PARD3: variants seen among roughly 807,000 people sequenced by gnomAD.
PARD3 encodes the protein partitioning defective 3 homolog.
A neutral mutation model predicts 155.4 loss-of-function variants in PARD3; 75 were observed. The ratio of observed to expected loss-of-function variants is 0.48; its 90% CI spans 0.40 to 0.58. The LOEUF is 0.58. Ranked by LOEUF, PARD3 falls within the 20% of genes least tolerant of loss-of-function variation. PARD3 has a pLI of 0.00. For missense variants in PARD3, 1,642 were observed against 1,721.7 expected (o/e 0.95, Z 0.82); for synonymous variants, 576 against 610.5 (o/e 0.94, Z 0.83).
rs766247927 is a variant in PARD3, at chr10:34,517,123, C to T, written c.259G>A (p.Gly87Arg). The change falls in exon 3 of 25, where the codon GGA becomes AGA. Residue 87 changes from glycine to arginine, a missense_variant. By Grantham distance (125) the Gly-to-Arg change is moderately radical. Coordinates refer to ENST00000374788, the MANE Select transcript of PARD3 (RefSeq NM_001184785.2). ...GAACTGGCACTGGTGCCATCACCTC[C>T]GTGATGTGGATCCTGCTCATCAAAC... ...AVFDEQDPHH[G>R]GDGTSASSTG... 1.4e-5 allele frequency: 22 copies of T among 1,613,972 alleles called. No individual in the cohort carries two copies. In the East Asian group the frequency reaches 2.7e-4, roughly 20 times the overall value.
chr10:34,555,415 G>C (rs1001565244), intron 2 of PARD3, among the ~76,000 whole-genome samples: 6 of 151,986 alleles, frequency 3.9e-5, no homozygotes, highest in African/African-American at 1.5e-4. Flanking sequence ...TTCTGTTTTG[G>C]AATTCACTTA....
intron 1 of PARD3, among the ~76,000 whole-genome samples, chr10:34,742,366 T>C (rs1432522673): frequency 1.3e-5 from 2 of 152,114 alleles, no homozygotes; most frequent in Non-Finnish European, 2.9e-5. Flanking sequence ...CAGCTAGAGA[T>C]CAACAGATTA....
intron 20 of PARD3, among the ~76,000 whole-genome samples, chr10:34,311,281 T>A (rs530886911): frequency 6.6e-6 from 1 of 152,266 alleles, no homozygotes; most frequent in East Asian, 1.9e-4. Flanking sequence ...TTATTTTTTT[T>A]AATAGAGACA....
chr10:34,420,793 G>A (rs1846112680), intron 5 of PARD3, among the ~76,000 whole-genome samples: 1 of 152,096 alleles, frequency 6.6e-6, no homozygotes, highest in Non-Finnish European at 1.5e-5. Flanking sequence ...CCCACAGTTC[G>A]GTTTCTTTTC....
At chr10:34,381,936 A>AAAAAAAAAAAAAAAAAAAGAAAG in intron 9 of PARD3, among the ~76,000 whole-genome samples, 1 of 148,430 alleles carries the variant, frequency 6.7e-6, no homozygotes, top group Non-Finnish European at 1.5e-5. Context: ...AAAAAAAAAA[A>AAAAAAAAAAAAAAAAAAAGAAAG]AAAAAGAAAG....
chr10:34,745,476 G>A (rs574427286), intron 1 of PARD3, among the ~76,000 whole-genome samples: 1 of 151,938 alleles, frequency 6.6e-6, no homozygotes, highest in East Asian at 1.9e-4. Flanking sequence ...GAAAGAGAGA[G>A]AGAGAAGAAA....
At chr10:34,638,406 T>C (rs1228409434) in intron 2 of PARD3, among the ~76,000 whole-genome samples, 2 of 152,170 alleles carry the variant, frequency 1.3e-5, no homozygotes, top group Non-Finnish European at 2.9e-5. Flanking sequence ...AGCTAAACCA[T>C]GCTAAGTAGC....
rs1405797832 is a variant in PARD3 at position 34,216,235 on chromosome 10, TG to T, written c.3419+53421del. Among the ~76,000 whole-genome samples the T allele has an allele frequency of 3.3e-5, 5 of 152,298 alleles. No individual in the cohort carries two copies. The East Asian group carries it at 7.7e-4, about 24-fold the overall frequency. ...GGAAACATGCACAAAATTGAGCAAG[TG>T]GGATATACCACTTTAACAATAAGCA... On this transcript the variant is annotated intron_variant, in intron 22 of 24. Transcript: ENST00000374788.
At chr10:34,175,633 T>C (rs892360024) in intron 22 of PARD3, among the ~76,000 whole-genome samples, 4 of 152,216 alleles carry the variant, frequency 2.6e-5, no homozygotes, top group African/African-American at 9.7e-5. Flanking sequence ...TATTTAGACA[T>C]TCAAGTATCA....
intron 2 of PARD3, among the ~76,000 whole-genome samples, chr10:34,688,454 G>A (rs1361820561): frequency 1.3e-5 from 2 of 152,190 alleles, no homozygotes; most frequent in Non-Finnish European, 2.9e-5. Flanking sequence ...TGGTGGTGAA[G>A]ATAACATTAA....
chr10:34,462,691 T>C (rs1157151766), intron 4 of PARD3, among the ~76,000 whole-genome samples: 1 of 150,064 alleles, frequency 6.7e-6, no homozygotes, highest in Non-Finnish European at 1.5e-5. Context: ...AAAAAAAAAA[T>C]AGCTGGGTGG....
At chr10:34,276,541 T>A (rs1955889996) in intron 21 of PARD3, among the ~76,000 whole-genome samples, 1 of 152,212 alleles carries the variant, frequency 6.6e-6, no homozygotes, top group Non-Finnish European at 1.5e-5. Context: ...TTAGTATTTT[T>A]GCTTTTACAA....
intron 7 of PARD3, among the ~76,000 whole-genome samples, chr10:34,385,602 T>C (rs1336017679): frequency 6.6e-6 from 1 of 152,228 alleles, no homozygotes; most frequent in Non-Finnish European, 1.5e-5. Context: ...GAAGACACCC[T>C]AATTTTCAAA....
chr10:34,503,316 T>C (rs893887951), intron 3 of PARD3, among the ~76,000 whole-genome samples: 2 of 152,170 alleles, frequency 1.3e-5, no homozygotes, highest in Admixed American at 1.3e-4. Flanking sequence ...TGATGATAGG[T>C]TGAGTACCCT....
intron 7 of PARD3, among the ~76,000 whole-genome samples, chr10:34,390,332 G>A (rs1369162964): frequency 1.3e-5 from 2 of 152,062 alleles, no homozygotes; most frequent in African/African-American, 4.8e-5. Flanking sequence ...TGATTGGGTA[G>A]ACTAATCACT....
intron 9 of PARD3, among the ~76,000 whole-genome samples, chr10:34,378,922 A>G (rs1290356539): frequency 6.6e-6 from 1 of 152,220 alleles, no homozygotes; most frequent in Non-Finnish European, 1.5e-5. Flanking sequence ...ACAAAGCAGA[A>G]AAGTGTTTAT....
chr10:34,644,177 G>A (rs1172710739), intron 2 of PARD3, among the ~76,000 whole-genome samples: 3 of 152,110 alleles, frequency 2.0e-5, no homozygotes, highest in African/African-American at 7.2e-5. Context: ...CCTGCCCTTT[G>A]GGGCTTCTAG....
At chr10:34,773,873 T>C (rs1839207393) in intron 1 of PARD3, among the ~76,000 whole-genome samples, 1 of 152,194 alleles carries the variant, frequency 6.6e-6, no homozygotes, top group Non-Finnish European at 1.5e-5. Context: ...GCTTTCATAA[T>C]ATGAAAGAAT....
At chr10:34,798,588 C>T (rs919124415) in intron 1 of PARD3, among the ~76,000 whole-genome samples, 2 of 151,410 alleles carry the variant, frequency 1.3e-5, no homozygotes, top group East Asian at 3.9e-4. Context: ...GCCTGTAACC[C>T]GAGCCGCTCA....
Sources: gnomAD v4.1 joint callset for allele counts (sites outside exome capture counted in the v4.1 genomes callset) on GRCh38, gnomAD v4.1.1 for gene constraint, MANE v1.5 for transcripts, NCBI Gene and HGNC (gene_info 2026-07-23, HGNC 2026-07-21) for gene names.